ADCY2: variants seen among roughly 807,000 people sequenced by gnomAD.
The protein encoded by ADCY2 is adenylate cyclase type 2.
In ADCY2, 31 loss-of-function variants were observed where a neutral mutation model predicts 125.2. The ratio of observed to expected loss-of-function variants is 0.25; its 90% CI spans 0.19 to 0.33. ADCY2 has a LOEUF of 0.33. Among genes scored for constraint, ADCY2 ranks in the 10% least tolerant of loss-of-function variants. ADCY2 has a pLI of 1.00. For missense variants in ADCY2, 904 were observed against 1,418.2 expected (o/e 0.64, Z 5.82); for synonymous variants, 512 against 548.4 (o/e 0.93, Z 0.93).
At position 7,623,594 on chromosome 5, in the gene ADCY2, A is replaced by T. The variant is rs531221830; in HGVS notation, c.571-2573A>T. 6.6e-5 allele frequency among the ~76,000 whole-genome samples: 10 copies of T among 152,326 alleles called. No individual in the cohort carries two copies. In the South Asian group the frequency reaches 2.1e-3, roughly 32 times the overall value. On this transcript the variant is annotated intron_variant, in intron 3 of 24. Coordinates refer to ENST00000338316, the MANE Select transcript of ADCY2 (RefSeq NM_020546.3). ...GTCATCAGGGCTTTCCACATGCTCC[A>T]GGACTGACATTCCCAGAAAAGGTGA...
intron 3 of ADCY2, among the ~76,000 whole-genome samples, chr5:7,528,845 G>C (rs1734554666): frequency 6.6e-6 from 1 of 152,086 alleles, no homozygotes; most frequent in African/African-American, 2.4e-5. Flanking sequence ...TTTAGGGAGG[G>C]GGTAGTTTGT....
At chr5:7,806,403 C>T (rs1744763520) in intron 22 of ADCY2, among the ~76,000 whole-genome samples, 1 of 152,054 alleles carries the variant, frequency 6.6e-6, no homozygotes, top group Non-Finnish European at 1.5e-5. Flanking sequence ...ACTGTCAGGA[C>T]CTATGTGTCT....
chr5:7,789,548 T>C (rs1038475737), intron 19 of ADCY2, 94 bp from the exon 20 acceptor site: 24 of 1,324,980 alleles, frequency 1.8e-5, no homozygotes, highest in African/African-American at 3.0e-5. Flanking sequence ...TTTTTCGGTT[T>C]CATTTTGTTC....
chr5:7,603,443 G>A (rs1387284900), intron 3 of ADCY2, among the ~76,000 whole-genome samples: 1 of 152,210 alleles, frequency 6.6e-6, no homozygotes, highest in Non-Finnish European at 1.5e-5. Flanking sequence ...AAGAACAGCT[G>A]TTGATGTAGT....
chr5:7,820,720 A>G (rs1200384570), intron 24 of ADCY2, 31 bp downstream of exon 24: 1 of 1,603,506 alleles, frequency 6.2e-7, no homozygotes, highest in Non-Finnish European at 8.5e-7. Flanking sequence ...CGCTGCCTGC[A>G]TCAACCATGT....
At position 7,731,438 on chromosome 5, in the gene ADCY2, T is replaced by A. The variant is rs531253721; in HGVS notation, c.1871+4177T>A. ...GCCCAGCTGATTTTTGTATTTTTAGTAGAGACAGGGTTTCACCATATTTGT... is the reference window on the plus strand; with the variant it reads ...GCCCAGCTGATTTTTGTATTTTTAGAAGAGACAGGGTTTCACCATATTTGT... On this transcript the variant is annotated intron_variant, in intron 14 of 24. Transcript: ENST00000338316. Among the ~76,000 whole-genome samples, 11 of 151,862 alleles carry A rather than the reference T, an allele frequency of 7.2e-5. No individual in the cohort carries two copies. The East Asian group carries it at 2.1e-3, about 29-fold the overall frequency.
intron 2 of ADCY2, among the ~76,000 whole-genome samples, chr5:7,448,379 G>C (rs554064144): frequency 6.6e-6 from 1 of 152,260 alleles, no homozygotes; most frequent in East Asian, 1.9e-4. Flanking sequence ...ATTCTCCCCT[G>C]AGTCTCTCTC....
intron 9 of ADCY2, 93 bp downstream of exon 9, chr5:7,707,931 C>A (rs1045824271): frequency 9.0e-6 from 12 of 1,336,314 alleles, no homozygotes; most frequent in African/African-American, 4.4e-5. Context: ...CAATATAATT[C>A]TTTGCTACTC....
rs370641178 is a variant in ADCY2 at position 7,764,732 on chromosome 5, C to T, written c.2095-1955C>T. On this transcript the variant is annotated intron_variant, in intron 16 of 24. Transcript: ENST00000338316. The stretch of plus-strand genomic sequence containing the variant: ...TTAAATTGGGTCCAGAGAAGAGCTG[C>T]CTAAATCATTATGATGCTAAAAATA... Among the ~76,000 whole-genome samples, 7 of 152,240 alleles carry T rather than the reference C, an allele frequency of 4.6e-5. No homozygotes were observed. In the East Asian group the frequency reaches 1.2e-3, roughly 25 times the overall value.
At chr5:7,506,764 A>T (rs1359455501) in intron 2 of ADCY2, among the ~76,000 whole-genome samples, 1 of 148,492 alleles carries the variant, frequency 6.7e-6, no homozygotes, top group African/African-American at 2.5e-5. Context: ...TGCGATAGAA[A>T]GGGGTAAATG....
intron 3 of ADCY2, among the ~76,000 whole-genome samples, chr5:7,607,757 C>T (rs148723229): frequency 8.1e-4 from 123 of 152,316 alleles, no homozygotes; most frequent in Middle Eastern, 3.4e-3. Flanking sequence ...TAGTTGTAAG[C>T]ATTGGTGAAC....
At chr5:7,743,643 C>T (rs1742510715) in intron 14 of ADCY2, 25 bp from the exon 15 acceptor site, 1 of 1,608,032 alleles carries the variant, frequency 6.2e-7, no homozygotes, top group South Asian at 1.1e-5. Flanking sequence ...TCCACCCTGA[C>T]TTGCTGCTTT....
chr5:7,681,062 C>T (rs1395062349), intron 4 of ADCY2, among the ~76,000 whole-genome samples: 1 of 152,214 alleles, frequency 6.6e-6, no homozygotes, highest in Admixed American at 6.5e-5. Context: ...GAGCTGCAGT[C>T]ATTGAGTTAC....
intron 4 of ADCY2, among the ~76,000 whole-genome samples, chr5:7,639,502 T>G (rs1738621403): frequency 6.6e-6 from 1 of 152,154 alleles, no homozygotes. Flanking sequence ...TCAGTAGTCC[T>G]AAAACCATGT....
At chr5:7,694,215 C>A (rs1392860130) in intron 5 of ADCY2, among the ~76,000 whole-genome samples, 1 of 152,210 alleles carries the variant, frequency 6.6e-6, no homozygotes, top group African/African-American at 2.4e-5. Context: ...CAGAGTCCTG[C>A]CCTGCTCTGG....
chr5:7,499,345 G>T (rs1743463495), intron 2 of ADCY2, among the ~76,000 whole-genome samples: 1 of 152,014 alleles, frequency 6.6e-6, no homozygotes, highest in Non-Finnish European at 1.5e-5. Context: ...AGGGAGAGGG[G>T]CACAAAGACA....
In ADCY2 at chr5:7,649,535, A is replaced by G. The variant is rs1445382859; in HGVS notation, c.720+23219A>G. 4.6e-5 allele frequency among the ~76,000 whole-genome samples: 7 copies of G among 152,250 alleles called. No homozygotes were observed. The East Asian group carries it at 1.2e-3, about 25-fold the overall frequency. On this transcript the variant is annotated intron_variant, in intron 4 of 24. Transcript: ENST00000338316. ...GAGAATAAAAGCTGCAGACCACAGC[A>G]TGCAGTGCTTCAGAGGGAGAGGACT...
In ADCY2 at chr5:7,396,842, G is replaced by C. The variant is rs1181188421; in HGVS notation, c.210+336G>C. Among the ~76,000 whole-genome samples the C allele has an allele frequency of 1.3e-5, 2 of 152,178 alleles. No homozygotes were observed. The highest frequency in any genetic ancestry group is 2.4e-5 in the African/African-American group (1 of 41,456). On this transcript the variant is annotated intron_variant, in intron 1 of 24. Transcript: ENST00000338316. This position sits in a 1 kb window ranked among gnomAD's most constrained non-coding sequence, Gnocchi z 5.7. ...CGCTTTCCGCCGGGCACCGCTGCCC[G>C]CAGCGCTGGAATAGGTCTTCCCCGA...
intron 15 of ADCY2, among the ~76,000 whole-genome samples, chr5:7,747,517 T>C (rs555690633): frequency 9.5e-4 from 144 of 152,278 alleles, no homozygotes; most frequent in African/African-American, 3.3e-3. Context: ...TGTCCCAGCA[T>C]GGGGACAGAC....
Sources: allele counts gnomAD v4.1 joint callset (sites outside exome capture counted in the v4.1 genomes callset), GRCh38; gene constraint gnomAD v4.1.1; non-coding constraint Gnocchi (gnomAD v3.1); transcripts MANE v1.5; gene names NCBI Gene and HGNC (gene_info 2026-07-23, HGNC 2026-07-21).